The following NHEJ1 variants were observed in gnomAD, a reference collection of about 807,000 sequenced individuals.
NHEJ1 encodes the protein non-homologous end-joining factor 1.
Under a neutral mutation model 39.4 loss-of-function variants are expected in NHEJ1, and 22 were observed. That is an observed-to-expected ratio of 0.56 (90% confidence interval 0.40 to 0.80). The LOEUF (loss-of-function observed/expected upper bound fraction) is 0.80, where lower values mean the gene tolerates loss of function less well. Ranked by LOEUF, NHEJ1 falls within the 30% of genes least tolerant of loss-of-function variation. The pLI is 0.00. For synonymous variants in NHEJ1, 154 were observed against 135.6 expected (o/e 1.14, Z -0.94); for missense variants, 329 against 357.1 (o/e 0.92, Z 0.63).
intron 5 of NHEJ1, among the ~76,000 whole-genome samples, chr2:219,132,343 G>A (rs1949586594): frequency 1.3e-5 from 2 of 152,154 alleles, no homozygotes; most frequent in South Asian, 4.1e-4. Flanking sequence ...CATTTCCTAT[G>A]TACTCACTAA....
At chr2:219,081,143 T>TG (rs1004004662) in intron 5 of NHEJ1, among the ~76,000 whole-genome samples, 3 of 152,122 alleles carry the variant, frequency 2.0e-5, no homozygotes, top group African/African-American at 7.2e-5. Flanking sequence ...TTGGACCCCT[T>TG]GGGGGCTGAG....
At chr2:219,088,240 T>C (rs141965077) in intron 5 of NHEJ1, among the ~76,000 whole-genome samples, 30 of 152,274 alleles carry the variant, frequency 2.0e-4, no homozygotes, top group Non-Finnish European at 3.5e-4. Context: ...CCAACACAAG[T>C]AGGTAAATAA....
chr2:219,128,397 T>C (rs1451989815), intron 5 of NHEJ1, among the ~76,000 whole-genome samples: 2 of 152,146 alleles, frequency 1.3e-5, no homozygotes, highest in African/African-American at 4.8e-5. Flanking sequence ...AGCACTATTC[T>C]AGAAAGTTTT....
chr2:219,110,655 G>A (rs561920044), intron 5 of NHEJ1, among the ~76,000 whole-genome samples: 6 of 152,086 alleles, frequency 3.9e-5, no homozygotes, highest in South Asian at 4.2e-4. Context: ...AGATGGGGTG[G>A]CCGGGAAGTC....
chr2:219,077,310 A>C lies in NHEJ1; in HGVS notation c.761T>G (p.Val254Gly). ...GGAGACCAGTTGTTCTGGCTGGTTT[A>C]CACATTGGCTATCGATTCCTTGCAG... ...ASLQGIDSQCVNQPEQLVSSA... is the reference protein window; with the variant it reads ...ASLQGIDSQCGNQPEQLVSSA... Residue 254 changes from valine to glycine, a missense_variant, in exon 7 of 8, where the codon GTA (valine) becomes GGA (glycine). Transcript: ENST00000356853. 6.2e-7 allele frequency: 1 copy of C among 1,614,106 alleles called. No homozygotes were observed. Among genetic ancestry groups the C allele is most frequent in the Non-Finnish European group, 8.5e-7 (1 of 1,180,000 alleles).
intron 5 of NHEJ1, among the ~76,000 whole-genome samples, chr2:219,088,307 G>T (rs1320377931): frequency 6.6e-6 from 1 of 152,064 alleles, no homozygotes; most frequent in African/African-American, 2.4e-5. Context: ...TAAAAGTATG[G>T]CTACAAAGAG....
At chr2:219,127,295 C>T (rs950209906) in intron 5 of NHEJ1, among the ~76,000 whole-genome samples, 4 of 152,162 alleles carry the variant, frequency 2.6e-5, no homozygotes, top group African/African-American at 9.7e-5. Context: ...CCACTCCCTT[C>T]CTCATGGGAC....
chr2:219,089,190 A>T (rs754295607), intron 5 of NHEJ1, among the ~76,000 whole-genome samples: 4 of 152,210 alleles, frequency 2.6e-5, no homozygotes, highest in African/African-American at 2.4e-5. Flanking sequence ...GTTACTAAAA[A>T]TGTTAAGCAT....
Position 219,081,223 on chromosome 2 carries a change from T to C in NHEJ1, c.589-3017A>G, listed in dbSNP as rs888589994. Reference sequence around the variant, plus strand: ...GATTCCTTGGGCCTCATTCTCAGAATATACTAGGGAAGAGAGGTGGAGAGG... The same window carrying C: ...GATTCCTTGGGCCTCATTCTCAGAACATACTAGGGAAGAGAGGTGGAGAGG... On this transcript the variant is annotated intron_variant, in intron 5 of 7. Transcript: ENST00000356853. Among the ~76,000 whole-genome samples the C allele has an allele frequency of 2.5e-4, 38 of 152,214 alleles. No individual in the cohort carries two copies. The East Asian group carries it at 5.8e-3, about 23-fold the overall frequency.
At chr2:219,135,467 G>C (rs1319394546) in intron 5 of NHEJ1, among the ~76,000 whole-genome samples, 1 of 152,102 alleles carries the variant, frequency 6.6e-6, no homozygotes, top group African/African-American at 2.4e-5. Context: ...AAATTAGCCA[G>C]GCGTGGTGGC....
intron 5 of NHEJ1, among the ~76,000 whole-genome samples, chr2:219,143,477 C>G (rs1949709609): frequency 6.6e-6 from 1 of 152,172 alleles, no homozygotes; most frequent in South Asian, 2.1e-4. Flanking sequence ...CAAAACAAAA[C>G]AGGGATAATC....
chr2:219,137,009 T>A (rs1314661460), intron 5 of NHEJ1, among the ~76,000 whole-genome samples: 2 of 147,194 alleles, frequency 1.4e-5, no homozygotes, highest in Non-Finnish European at 3.0e-5. Context: ...TTTGAAAACA[T>A]AAGCCCTTAT....
Position 219,070,717 on chromosome 2 carries a change from C to T in NHEJ1, c.*5664G>A, listed in dbSNP as rs957838896. 4.0e-5 allele frequency among the ~76,000 whole-genome samples: 6 copies of T among 151,808 alleles called. No individual in the cohort carries two copies. Among genetic ancestry groups the T allele is most frequent in the Non-Finnish European group, 8.8e-5 (6 of 67,978 alleles). On this transcript the variant is annotated 3_prime_UTR_variant, in exon 8 of 8. Transcript: ENST00000356853. ...TTTAATTCAAAATACCATTGTACAG[C>T]TTATCCTTCTGAAATGATCTATTCC...
chr2:219,124,666 C>T (rs1295657033), intron 5 of NHEJ1: 3 of 151,762 alleles, frequency 2.0e-5, no homozygotes, highest in Non-Finnish European at 4.4e-5. Context: ...GGCATCTTCC[C>T]AACTTAAGAC....
At chr2:219,143,871 C>T (rs548212916) in intron 5 of NHEJ1, among the ~76,000 whole-genome samples, 1 of 152,242 alleles carries the variant, frequency 6.6e-6, no homozygotes, top group Non-Finnish European at 1.5e-5. Context: ...CAAAATGAGC[C>T]ATGAGAATAA....
At chr2:219,135,685 G>T (rs1355424488) in intron 5 of NHEJ1, among the ~76,000 whole-genome samples, 2 of 150,978 alleles carry the variant, frequency 1.3e-5, no homozygotes, top group African/African-American at 2.4e-5. Flanking sequence ...TTCTTAGACT[G>T]GAGATTTAAA....
intron 5 of NHEJ1, among the ~76,000 whole-genome samples, chr2:219,079,716 C>T (rs1183560642): frequency 6.6e-6 from 1 of 152,206 alleles, no homozygotes; most frequent in Non-Finnish European, 1.5e-5. Flanking sequence ...GGCCACACCA[C>T]CTCTACCCTA....
chr2:219,126,268 C>A (rs1199099731), intron 5 of NHEJ1, among the ~76,000 whole-genome samples: 2 of 152,194 alleles, frequency 1.3e-5, no homozygotes, highest in African/African-American at 4.8e-5. Flanking sequence ...TGGGGAAAAG[C>A]TCTGCACTAG....
intron 5 of NHEJ1, among the ~76,000 whole-genome samples, chr2:219,117,674 G>A (rs1416001635): frequency 6.6e-6 from 1 of 152,284 alleles, no homozygotes; most frequent in African/African-American, 2.4e-5. Context: ...AAAGGGAAGT[G>A]ACATGGTGTA....
Sources: gnomAD v4.1 joint callset for allele counts (sites outside exome capture counted in the v4.1 genomes callset) on GRCh38, gnomAD v4.1.1 for gene constraint, MANE v1.5 for transcripts, NCBI Gene and HGNC (gene_info 2026-07-23, HGNC 2026-07-21) for gene names.